Variants in NAF1 observed in about 807,000 individuals in gnomAD.
NAF1 encodes nuclear assembly factor 1 ribonucleoprotein.
A neutral mutation model predicts 40.6 loss-of-function variants in NAF1; 11 were observed. That is an observed-to-expected ratio of 0.27 (90% CI 0.17 to 0.45). The LOEUF (loss-of-function observed/expected upper bound fraction) is 0.45. NAF1 is among the 20% of genes least tolerant of loss of function. The probability of loss-of-function intolerance (pLI) is 1.00; values close to 1 mark genes in which losing one functional copy is unlikely to be tolerated. For missense variants in NAF1, 607 were observed against 611.1 expected, an observed-to-expected ratio of 0.99 and a Z score of 0.07; for synonymous variants, 260 against 228.5, an observed-to-expected ratio of 1.14 and a Z score of -1.24.
intron 3 of NAF1, among the ~76,000 whole-genome samples, chr4:163,147,868 G>A (rs186784911): frequency 3.7e-4 from 57 of 152,238 alleles, no homozygotes; most frequent in Middle Eastern, 3.4e-3. Flanking sequence ...TGGCCTTCAG[G>A]ATGAAGAAAG....
chr4:163,115,704 T>C (rs1579118418), intron 2 of NAF1, among the ~76,000 whole-genome samples: 1 of 152,202 alleles, frequency 6.6e-6, no homozygotes, highest in Non-Finnish European at 1.5e-5. Flanking sequence ...GTGGGTTACA[T>C]TTTGATTTAA....
intron 2 of NAF1, among the ~76,000 whole-genome samples, chr4:163,111,812 T>C (rs980183641): frequency 5.9e-5 from 9 of 152,032 alleles, no homozygotes; most frequent in African/African-American, 2.2e-4. Flanking sequence ...GAGTGAGCCG[T>C]GAACTAGGAG....
At chr4:163,162,367 C>G (rs1425342548) in intron 2 of NAF1, among the ~76,000 whole-genome samples, 1 of 152,174 alleles carries the variant, frequency 6.6e-6, no homozygotes, top group East Asian at 1.9e-4. Context: ...TCATCAATTC[C>G]TCTACCTATC....
chr4:163,161,817 A>T (rs1732236193), intron 2 of NAF1, among the ~76,000 whole-genome samples: 2 of 152,182 alleles, frequency 1.3e-5, no homozygotes, highest in African/African-American at 4.8e-5. Flanking sequence ...TTTCCTGTGA[A>T]AGATAAACCA....
At chr4:163,145,697 A>C in intron 4 of NAF1, 85 bp downstream of exon 4, 1 of 867,570 alleles carries the variant, frequency 1.2e-6, no homozygotes, top group Non-Finnish European at 1.8e-6. Context: ...AAAATAAATA[A>C]ACTCTTCTGA....
intron 6 of NAF1, chr4:163,135,834 T>C (rs1034819060): frequency 4.5e-4 from 69 of 152,262 alleles, no homozygotes; most frequent in African/African-American, 1.6e-3. Flanking sequence ...TTAAAAGAAA[T>C]ATGATTTGAG....
rs745821470 is a variant in NAF1, at chr4:163,145,853, A to C, written c.646T>G (p.Ser216Ala). Residue 216 changes from serine (S) to alanine (A), a missense_variant, in exon 4 of 8, where the codon TCT (serine) becomes GCT (alanine). Physicochemically the swap from Ser to Ala is moderately conservative, Grantham distance 99. Coordinates refer to ENST00000274054, the MANE Select transcript of NAF1 (RefSeq NM_138386.3). ...SIIEQLVIIE[S>A]MTNLPPVNEE... The stretch of plus-strand genomic sequence containing the variant: ...TTAACTGGAGGTAGGTTAGTCATAG[A>C]TTCAATTATTACTGAAAAATAAAAT... 1 of 1,483,106 alleles carries C rather than the reference A, an allele frequency of 6.7e-7. No individual in the cohort carries two copies. The highest frequency in any genetic ancestry group is 9.3e-7 in the Non-Finnish European group (1 of 1,073,168). The allele number at this position is 1,483,106 out of a possible 1,614,324, so 91.9% of individuals were successfully genotyped here.
downstream of NAF1, chr4:163,126,687 CA>C (rs1249505898): frequency 2.1e-5 from 4 of 190,356 alleles, no homozygotes; most frequent in African/African-American, 9.4e-5. Flanking sequence ...TCCCAAATTT[CA>C]AAGTTTTACA....
In NAF1 at chr4:163,166,831, T is replaced by C; in HGVS notation, c.-104A>G. ...ACAACTTAGGCAACCGCAGCAACAC[T>C]GCCTGGGCCCAACTTCCCGCGTTTC... On this transcript the variant is annotated 5_prime_UTR_variant, in exon 1 of 8. Coordinates refer to ENST00000274054, the MANE Select transcript of NAF1 (RefSeq NM_138386.3). 1 of 1,451,540 alleles carries C rather than the reference T, an allele frequency of 6.9e-7. No homozygotes were observed. Among genetic ancestry groups the C allele is most frequent in the Non-Finnish European group, 9.2e-7 (1 of 1,089,654 alleles). The allele number at this position is 1,451,540 out of a possible 1,614,324, so 89.9% of individuals were successfully genotyped here. A position where few individuals can be genotyped will look rare whatever the true frequency, so the allele number is the denominator to read the frequency against.
At chr4:163,161,827 A>G (rs1301648055) in intron 2 of NAF1, among the ~76,000 whole-genome samples, 2 of 152,042 alleles carry the variant, frequency 1.3e-5, no homozygotes, top group Non-Finnish European at 2.9e-5. Context: ...AAGATAAACC[A>G]TTCCATGTGG....
chr4:163,154,826 G>A (rs1014504872), intron 2 of NAF1, among the ~76,000 whole-genome samples: 13 of 151,066 alleles, frequency 8.6e-5, no homozygotes, highest in African/African-American at 1.7e-4. Context: ...AGCAGAGATC[G>A]CACCATTGCA....
rs150953506 is a variant in NAF1 at position 163,140,672 on chromosome 4, G to A, written c.718-289C>T. Among the ~76,000 whole-genome samples, 95 of 152,250 alleles carry A rather than the reference G, an allele frequency of 6.2e-4. 1 individual carries two copies. The highest frequency in any genetic ancestry group is 2.2e-3 in the African/African-American group (90 of 41,562). On this transcript the variant is annotated intron_variant, in intron 4 of 7. Transcript: ENST00000274054. ...CAAATCATTTTGATGGTACCAACTCGATGCAAATTATGATTTTTTTAAATT... is the reference window on the plus strand; with the variant it reads ...CAAATCATTTTGATGGTACCAACTCAATGCAAATTATGATTTTTTTAAATT...
In NAF1 at chr4:163,129,014, C is replaced by T; in HGVS notation, c.1368G>A (p.Met456Ile). ...PVNMGWATPN[M>I]AAHPLLNLPY... ...GTAAGTTAAGTAATGGATGAGCAGC[C>T]ATGTTTGGTGTAGCCCAACCCATGT... Residue 456 changes from methionine (M) to isoleucine (I), a missense_variant, in exon 8 of 8, where the codon ATG becomes ATA. By Grantham distance (10) the Met-to-Ile change is conservative. Around this residue, in one of 3 missense-constraint regions of NAF1, gnomAD observed 189 missense variants for 216.6 expected, o/e 0.87. Coordinates refer to ENST00000274054, the MANE Select transcript of NAF1 (RefSeq NM_138386.3). The T allele has an allele frequency of 7.9e-7, 1 of 1,271,736 alleles. No homozygotes were observed. The highest frequency in any genetic ancestry group is 1.0e-6 in the Non-Finnish European group (1 of 984,538). The allele number at this position is 1,271,736 out of a possible 1,614,324, so 78.8% of individuals were successfully genotyped here.
chr4:163,116,866 A>C (rs901132024), intron 2 of NAF1, among the ~76,000 whole-genome samples: 1 of 152,068 alleles, frequency 6.6e-6, no homozygotes, highest in Non-Finnish European at 1.5e-5. Context: ...TAAAGCCAAG[A>C]GTCATTCCAG....
At chr4:163,110,116 T>C (rs1730115662) in exon 3 of NAF1, 1 of 531,244 alleles carries the variant, frequency 1.9e-6, no homozygotes. Flanking sequence ...GTACTTGAAA[T>C]CTGTGGGTTG....
At chr4:163,157,416 T>G (rs918728224) in intron 2 of NAF1, 1 of 152,060 alleles carries the variant, frequency 6.6e-6, no homozygotes, top group Non-Finnish European at 1.5e-5. Context: ...TAATATGACT[T>G]CAGACAAGTC....
chr4:163,147,279 T>C (rs1324571959), intron 3 of NAF1, among the ~76,000 whole-genome samples: 1 of 152,228 alleles, frequency 6.6e-6, no homozygotes, highest in East Asian at 1.9e-4. Flanking sequence ...GTCCTATTTC[T>C]ACCACTGACT....
rs980321543 is a variant in NAF1 at position 163,142,498 on chromosome 4, A to T, written c.718-2115T>A. Among the ~76,000 whole-genome samples the T allele has an allele frequency of 2.6e-5, 4 of 152,350 alleles. No homozygotes were observed. The South Asian group carries it at 6.2e-4, about 24-fold the overall frequency. On this transcript the variant is annotated intron_variant, in intron 4 of 7. Coordinates refer to ENST00000274054, the MANE Select transcript of NAF1 (RefSeq NM_138386.3). ...GTCTGTGCAGTATGGTTTGAACTAA[A>T]ATATAAGTGACATTCAAAATTCTTG...
At chr4:163,153,814 G>A (rs1268163102) in intron 2 of NAF1, among the ~76,000 whole-genome samples, 6 of 152,106 alleles carry the variant, frequency 3.9e-5, no homozygotes, top group African/African-American at 9.7e-5. Flanking sequence ...CAACCCGCTC[G>A]GGTCCCCTTC....
Sources: gnomAD v4.1 joint callset for allele counts (sites outside exome capture counted in the v4.1 genomes callset) on GRCh38, gnomAD v4.1.1 for gene constraint, gnomAD v4.1.1 regional missense constraint, MANE v1.5 for transcripts, NCBI Gene and HGNC (gene_info 2026-07-23, HGNC 2026-07-21) for gene names.